Variants in PCED1B observed in about 807,000 individuals in gnomAD.
PCED1B encodes PC-esterase domain-containing protein 1B.
For missense variants in PCED1B, 573 were observed against 573.9 expected (o/e 1.00, Z 0.02); for synonymous variants, 251 against 246.1 (o/e 1.02, Z -0.19).
chr12:47,164,607 C>T (rs543108773), intron 2 of PCED1B, among the ~76,000 whole-genome samples: 1 of 152,318 alleles, frequency 6.6e-6, no homozygotes, highest in East Asian at 1.9e-4. Context: ...ATTCTGTGGT[C>T]TTGACAGTGG....
chr12:47,173,079 C>A (rs769442934), intron 2 of PCED1B, among the ~76,000 whole-genome samples: 1 of 152,150 alleles, frequency 6.6e-6, no homozygotes, highest in Non-Finnish European at 1.5e-5. Context: ...TGACTCAGAG[C>A]AGCCATGTAG....
intron 1 of PCED1B, among the ~76,000 whole-genome samples, chr12:47,103,379 C>T (rs558629850): frequency 1.5e-4 from 23 of 152,242 alleles, no homozygotes; most frequent in South Asian, 1.0e-3. Context: ...TTAAATGTTA[C>T]GGGAAAGATG....
chr12:47,148,745 G>A (rs1940883726), intron 2 of PCED1B, among the ~76,000 whole-genome samples: 1 of 152,316 alleles, frequency 6.6e-6, no homozygotes, highest in Non-Finnish European at 1.5e-5. Context: ...TGCACCCTTA[G>A]TTTTACAAAT....
chr12:47,100,654 A>C (rs1592140393), intron 1 of PCED1B, among the ~76,000 whole-genome samples: 2 of 152,378 alleles, frequency 1.3e-5, no homozygotes, highest in African/African-American at 4.8e-5. Flanking sequence ...TATAAAGTCT[A>C]GAAAAAGGAG....
chr12:47,125,195 C>G (rs1230410149), intron 2 of PCED1B, among the ~76,000 whole-genome samples: 2 of 151,922 alleles, frequency 1.3e-5, no homozygotes, highest in African/African-American at 4.8e-5. Context: ...TCTTACACTG[C>G]CCAAGGTATG....
At chr12:47,233,898 TTTATC>T (rs1943888009) in intron 3 of PCED1B, among the ~76,000 whole-genome samples, 1 of 152,190 alleles carries the variant, frequency 6.6e-6, no homozygotes, top group Non-Finnish European at 1.5e-5. Flanking sequence ...TATTTCCAGT[TTTATC>T]TTGATTTTTT....
At position 47,089,472 on chromosome 12, in the gene PCED1B, A is replaced by ATG. The variant is rs1565740049; in HGVS notation, c.-609+9748_-609+9749insGT. ...AAAAAAAAAAAATACATATATATAT[A>ATG]TATATATATATATATATATATGTAT... On this transcript the variant is annotated intron_variant, in intron 1 of 3. Coordinates refer to ENST00000546455, the MANE Select transcript of PCED1B (RefSeq NM_138371.3). Among the ~76,000 whole-genome samples the ATG allele has an allele frequency of 3.7e-4, 37 of 100,494 alleles. 2 individuals carry two copies. Among genetic ancestry groups the ATG allele is most frequent in the Non-Finnish European group, 6.0e-4 (32 of 53,314 alleles). The allele number at this position is 100,494 out of a possible 152,430, so 65.9% of individuals were successfully genotyped here.
At chr12:47,206,170 C>G (rs919590832) in intron 2 of PCED1B, 1 of 152,176 alleles carries the variant, frequency 6.6e-6, no homozygotes, top group Non-Finnish European at 1.5e-5. Flanking sequence ...AAGCATTGAT[C>G]TTGGGAGCAG....
intron 1 of PCED1B, among the ~76,000 whole-genome samples, chr12:47,100,866 G>A (rs1220357360): frequency 3.3e-5 from 5 of 152,032 alleles, no homozygotes; most frequent in Admixed American, 6.6e-5. Flanking sequence ...TCAGGAGTTC[G>A]AGACCAGCCT....
chr12:47,181,746 A>G (rs1942102619), intron 2 of PCED1B, among the ~76,000 whole-genome samples: 1 of 151,976 alleles, frequency 6.6e-6, no homozygotes, highest in Admixed American at 6.6e-5. Flanking sequence ...TTTTCTTCTC[A>G]GTCTAATTTA....
Position 47,167,392 on chromosome 12 carries a change from A to T in PCED1B, c.-525-48830A>T, listed in dbSNP as rs11183764. ...TAGGAAAATGAAGTGGGAACTGAAA[A>T]GGGCATTGTGGCTGTCTCTCCAACA... On this transcript the variant is annotated intron_variant, in intron 2 of 3. Coordinates refer to ENST00000546455, the MANE Select transcript of PCED1B (RefSeq NM_138371.3). 5.4e-3 allele frequency among the ~76,000 whole-genome samples: 825 copies of T among 152,166 alleles called. 11 individuals are homozygous for T. Among genetic ancestry groups the T allele is most frequent in the African/African-American group, 0.018 (759 of 41,484 alleles).
intron 3 of PCED1B, among the ~76,000 whole-genome samples, chr12:47,220,143 C>T (rs995390522): frequency 4.6e-5 from 7 of 150,854 alleles, no homozygotes; most frequent in Non-Finnish European, 8.9e-5. Context: ...CATTTACTAG[C>T]TGGGCAACCT....
At chr12:47,233,530 G>A (rs1179475653) in intron 3 of PCED1B, among the ~76,000 whole-genome samples, 2 of 152,202 alleles carry the variant, frequency 1.3e-5, no homozygotes, top group African/African-American at 4.8e-5. Flanking sequence ...GGAAGTGACT[G>A]GGAAATAAAT....
intron 2 of PCED1B, among the ~76,000 whole-genome samples, chr12:47,145,841 A>T (rs1940763570): frequency 6.6e-6 from 1 of 152,242 alleles, no homozygotes; most frequent in Non-Finnish European, 1.5e-5. Flanking sequence ...ATGTTGTTTC[A>T]TGCCTGCTAA....
At chr12:47,089,098 G>T (rs1048003637) in intron 1 of PCED1B, among the ~76,000 whole-genome samples, 9 of 152,028 alleles carry the variant, frequency 5.9e-5, no homozygotes, top group East Asian at 5.8e-4. Flanking sequence ...CCAGAAACTT[G>T]ATATTTTTGG....
At chr12:47,117,210 T>A (rs868533432) in intron 2 of PCED1B, among the ~76,000 whole-genome samples, 2 of 152,186 alleles carry the variant, frequency 1.3e-5, no homozygotes, top group Non-Finnish European at 2.9e-5. Context: ...TCATTTTTTT[T>A]ATTATACTTT....
chr12:47,216,689 A>G lies in PCED1B; in HGVS notation c.-58A>G, dbSNP rs561726521. The G allele has an allele frequency of 2.0e-5, 3 of 152,328 alleles. No individual in the cohort carries two copies. The South Asian group carries it at 6.2e-4, about 32-fold the overall frequency. The allele number at this position is 152,328 out of a possible 1,614,324, so 9.4% of individuals were successfully genotyped here. A position where few individuals can be genotyped will look rare whatever the true frequency, so the allele number is the denominator to read the frequency against. Reference sequence around the variant, plus strand: ...TTAAAAATCACCAGTTACTTTAATGAGTAAGTACTTTTCAGTTTTTCCATT... The same window carrying G: ...TTAAAAATCACCAGTTACTTTAATGGGTAAGTACTTTTCAGTTTTTCCATT... On this transcript the variant is annotated splice_region_variant and 5_prime_UTR_variant, in exon 3 of 4. Transcript: ENST00000546455.
intron 3 of PCED1B, among the ~76,000 whole-genome samples, chr12:47,217,171 G>A (rs977429619): frequency 2.0e-5 from 3 of 152,066 alleles, no homozygotes; most frequent in Admixed American, 6.6e-5. Flanking sequence ...GGAAGGCTGA[G>A]GCAGGTGGAT....
At chr12:47,113,438 A>G (rs999255866) in intron 2 of PCED1B, among the ~76,000 whole-genome samples, 2 of 152,226 alleles carry the variant, frequency 1.3e-5, no homozygotes, top group Non-Finnish European at 2.9e-5. Context: ...GGCAACAAAG[A>G]GAAAGAAGCT....
Sources: allele counts gnomAD v4.1 joint callset (sites outside exome capture counted in the v4.1 genomes callset), GRCh38; gene constraint gnomAD v4.1.1; transcripts MANE v1.5; gene names NCBI Gene and HGNC (gene_info 2026-07-23, HGNC 2026-07-21).